SGSM1: variants seen among roughly 807,000 people sequenced by gnomAD.
SGSM1 encodes RUN and TBC1 domain containing 2.
SGSM1 carries 73 observed loss-of-function variants against 133.8 expected under a neutral mutation model. The observed-to-expected ratio is 0.55, with a 90% CI of 0.45 to 0.66. SGSM1 has a LOEUF of 0.66. Among genes scored for constraint, SGSM1 ranks in the 30% least tolerant of loss-of-function variants. SGSM1 has a pLI of 0.00. For synonymous variants in SGSM1, 563 were observed against 573.0 expected (o/e 0.98, Z 0.25); for missense variants, 1,213 against 1,448.1 (o/e 0.84, Z 2.64).
At chr22:24,856,348 TGGTAATACTGAGGGC>T (rs1930785825) in intron 8 of SGSM1, among the ~76,000 whole-genome samples, 1 of 151,510 alleles carries the variant, frequency 6.6e-6, no homozygotes, top group African/African-American at 2.4e-5. Flanking sequence ...TATTATCAGA[TGGTAATACTGAGGGC>T]TGTACAGGTG....
At position 24,846,080 on chromosome 22, in the gene SGSM1, C is replaced by T. The variant is rs147300321; in HGVS notation, c.139+1108C>T. On this transcript the variant is annotated intron_variant, in intron 3 of 24. Transcript: ENST00000400358. ...TTGAGACAGGATCTCACTCTGTCAC[C>T]CAGGCTGGAGTGCAGTGGCACAATC... Among the ~76,000 whole-genome samples the T allele has an allele frequency of 4.4e-4, 65 of 147,260 alleles. No homozygotes were observed. In the East Asian group the frequency reaches 9.5e-3, roughly 22 times the overall value.
intron 2 of SGSM1, among the ~76,000 whole-genome samples, chr22:24,812,164 C>T (rs995418949): frequency 1.5e-5 from 2 of 131,056 alleles, no homozygotes; most frequent in Non-Finnish European, 3.3e-5. Flanking sequence ...AGCAAGACTC[C>T]GTCTCAAAAA....
chr22:24,868,676 G>A (rs749143619), intron 11 of SGSM1, 47 bp from the exon 12 acceptor site: 32 of 1,609,306 alleles, frequency 2.0e-5, no homozygotes, highest in Non-Finnish European at 2.2e-5. Flanking sequence ...GCAAGTTGTG[G>A]GGACAGATGT....
chr22:24,819,307 A>G (rs1928329722), intron 2 of SGSM1, among the ~76,000 whole-genome samples: 1 of 152,216 alleles, frequency 6.6e-6, no homozygotes, highest in African/African-American at 2.4e-5. Context: ...TTGAAAATGC[A>G]GTTCCTCAGT....
Position 24,893,521 on chromosome 22 carries a change from C to T in SGSM1, c.1861C>T (p.His621Tyr). 1 of 1,612,290 alleles carries T rather than the reference C, an allele frequency of 6.2e-7. No individual in the cohort carries two copies. Among genetic ancestry groups the T allele is most frequent in the Non-Finnish European group, 8.5e-7 (1 of 1,179,146 alleles). ...CGTGCGGCAGAGGGAGCGGGAGTCC[C>T]ATGCGGCCGCCCTGGCCAAATGCTC... is the stretch of plus-strand genomic sequence containing the variant. ...AIVRQRERES[H>Y]AAALAKCSSG... The change falls in exon 17 of 25, where the codon CAT becomes TAT. Residue 621 changes from histidine to tyrosine, a missense_variant. Transcript: ENST00000400358.
At chr22:24,865,585 G>A (rs1313622092) in intron 9 of SGSM1, among the ~76,000 whole-genome samples, 5 of 152,190 alleles carry the variant, frequency 3.3e-5, no homozygotes, top group African/African-American at 1.2e-4. Context: ...ACTGGCTAAG[G>A]TCTCTGGTGG....
chr22:24,821,444 G>A (rs956790160), intron 2 of SGSM1, among the ~76,000 whole-genome samples: 2 of 152,222 alleles, frequency 1.3e-5, no homozygotes, highest in Non-Finnish European at 2.9e-5. Flanking sequence ...GTGCAGCATT[G>A]GAGGAAGGCA....
chr22:24,896,803 C>T (rs142892367), intron 18 of SGSM1, among the ~76,000 whole-genome samples: 1,655 of 151,220 alleles, frequency 0.011, 15 homozygotes, highest in Non-Finnish European at 0.017. Flanking sequence ...ATGGTGAAAC[C>T]CTGACTCTAC....
intron 13 of SGSM1, 50 bp from the exon 14 acceptor site, chr22:24,879,412 G>C: frequency 6.3e-7 from 1 of 1,585,176 alleles, no homozygotes; most frequent in Non-Finnish European, 8.6e-7. Context: ...CAGAAAATCT[G>C]GGCTGTGTTT....
intron 19 of SGSM1, among the ~76,000 whole-genome samples, chr22:24,900,340 CTTCTTTCTTTCTTTCT>C (rs201367603): frequency 0.051 from 6,477 of 125,916 alleles, 237 homozygotes; most frequent in South Asian, 0.12. Flanking sequence ...TTGTTAACCT[CTTCTTTCTTTCTTTCT>C]TTCTTTCTTT....
intron 2 of SGSM1, among the ~76,000 whole-genome samples, chr22:24,818,910 A>G (rs5996765): frequency 0.69 from 104,064 of 151,516 alleles, 36,092 homozygotes; most frequent in East Asian, 0.92. Context: ...ACTTTGGGAG[A>G]CCGAGGCGGG....
intron 2 of SGSM1, among the ~76,000 whole-genome samples, chr22:24,830,694 G>GGGGCTAAGTGT (rs1222500637): frequency 6.7e-6 from 1 of 148,690 alleles, no homozygotes; most frequent in African/African-American, 2.5e-5. Context: ...TTACCAGAAG[G>GGGGCTAAGTGT]AAGCTTTTCC....
chr22:24,919,258 G>A (rs1166908838), intron 23 of SGSM1, among the ~76,000 whole-genome samples: 2 of 151,326 alleles, frequency 1.3e-5, no homozygotes, highest in Admixed American at 6.6e-5. Flanking sequence ...CACCATTTTG[G>A]CCAGGCTGAT....
chr22:24,922,721 C>T (rs529903557), intron 24 of SGSM1, among the ~76,000 whole-genome samples: 6 of 152,256 alleles, frequency 3.9e-5, no homozygotes, highest in African/African-American at 1.4e-4. Context: ...CATGATCCAC[C>T]CGCCTCGGCC....
intron 9 of SGSM1, among the ~76,000 whole-genome samples, chr22:24,860,897 TAAAAAAAAAAA>T (rs554853690): frequency 1.2e-3 from 54 of 43,872 alleles, no homozygotes; most frequent in East Asian, 6.7e-3. Flanking sequence ...GAGACTGTCT[TAAAAAAAAAAA>T]AAAAAAAAAA....
intron 13 of SGSM1, among the ~76,000 whole-genome samples, chr22:24,877,802 C>CTTTTTTTTTTTTTTTTT (rs36036968): frequency 1.3e-5 from 1 of 75,450 alleles, no homozygotes; most frequent in Non-Finnish European, 2.4e-5. Context: ...TTCTTTCTTT[C>CTTTTTTTTTTTTTTTTT]TTTTTTTTTT....
At chr22:24,848,330 A>G (rs1930270589) in intron 4 of SGSM1, among the ~76,000 whole-genome samples, 1 of 152,160 alleles carries the variant, frequency 6.6e-6, no homozygotes, top group Non-Finnish European at 1.5e-5. Flanking sequence ...AAAGTTTGAT[A>G]GAACCAATAT....
At position 24,817,865 on chromosome 22, in the gene SGSM1, A is replaced by G. The variant is rs187958951; in HGVS notation, c.63+11381A>G. Reference sequence around the variant, plus strand: ...TGGTGAGGGCCTTCTTCCTTTTTGCACACTGCAGACTTTTAATCATGTCCT... The same window carrying G: ...TGGTGAGGGCCTTCTTCCTTTTTGCGCACTGCAGACTTTTAATCATGTCCT... On this transcript the variant is annotated intron_variant, in intron 2 of 24. Coordinates refer to ENST00000400358, the MANE Select transcript of SGSM1 (RefSeq NM_001098497.3). Among the ~76,000 whole-genome samples, 19 of 152,288 alleles carry G rather than the reference A, an allele frequency of 1.2e-4. No individual in the cohort carries two copies. In the East Asian group the frequency reaches 3.3e-3, roughly 26 times the overall value.
At chr22:24,916,697 CA>C (rs201881913) in intron 22 of SGSM1, among the ~76,000 whole-genome samples, 2,020 of 139,216 alleles carry the variant, frequency 0.015, 55 homozygotes, top group African/African-American at 0.049. Context: ...GACTCAGTCT[CA>C]AAAAAAAAAA....
Sources: gnomAD v4.1 joint callset for allele counts (sites outside exome capture counted in the v4.1 genomes callset) on GRCh38, gnomAD v4.1.1 for gene constraint, MANE v1.5 for transcripts, NCBI Gene and HGNC (gene_info 2026-07-23, HGNC 2026-07-21) for gene names.